The following TACC2 variants were observed in gnomAD, a reference collection of about 807,000 sequenced individuals.
TACC2 encodes the protein transforming acidic coiled-coil containing protein 2.
In TACC2, 137 loss-of-function variants were observed where a neutral mutation model predicts 227.3. That is an observed-to-expected ratio of 0.60 (90% CI 0.52 to 0.69). TACC2 has a LOEUF of 0.69. Ranked by LOEUF, TACC2 falls within the 30% of genes least tolerant of loss-of-function variation. The pLI is 0.00. For missense variants in TACC2, 3,470 were observed against 3,694.4 expected (o/e 0.94, Z 1.57); for synonymous variants, 1,523 against 1,487.5 (o/e 1.02, Z -0.55).
intron 3 of TACC2, among the ~76,000 whole-genome samples, chr10:122,062,711 C>T (rs976174540): frequency 6.6e-6 from 1 of 152,138 alleles, no homozygotes; most frequent in Admixed American, 6.6e-5. Context: ...AGAACAAAAA[C>T]ATCTTTGGTG....
chr10:122,121,949 G>A (rs1264705421), intron 5 of TACC2, among the ~76,000 whole-genome samples: 3 of 152,210 alleles, frequency 2.0e-5, no homozygotes, highest in African/African-American at 7.2e-5. Flanking sequence ...ACCTGGCGGG[G>A]AGGGGGATGG....
intron 2 of TACC2, among the ~76,000 whole-genome samples, chr10:122,036,300 C>T (rs1372973187): frequency 1.3e-5 from 2 of 149,392 alleles, no homozygotes; most frequent in East Asian, 4.1e-4. Flanking sequence ...TCACGCCATT[C>T]TCCTGCCTCA....
At chr10:122,046,532 A>G (rs2075027701) in intron 2 of TACC2, among the ~76,000 whole-genome samples, 1 of 152,028 alleles carries the variant, frequency 6.6e-6, no homozygotes, top group Non-Finnish European at 1.5e-5. Context: ...AGAGAAGTGG[A>G]GCTGAAAAGG....
intron 9 of TACC2, among the ~76,000 whole-genome samples, chr10:122,213,633 T>C (rs966401411): frequency 2.0e-5 from 3 of 152,354 alleles, no homozygotes. Flanking sequence ...GAATGGAACT[T>C]TTTTCCTTCC....
chr10:122,064,402 C>T (rs745854373), intron 3 of TACC2, among the ~76,000 whole-genome samples: 20 of 152,124 alleles, frequency 1.3e-4, no homozygotes, highest in Non-Finnish European at 2.9e-4. Flanking sequence ...TTATTATTAA[C>T]TAAAGTCTAT....
At chr10:122,047,575 G>A (rs924336004) in intron 2 of TACC2, among the ~76,000 whole-genome samples, 6 of 152,160 alleles carry the variant, frequency 3.9e-5, no homozygotes, top group South Asian at 4.1e-4. Context: ...ACACTGCCCC[G>A]TGGAAGGGAT....
chr10:122,149,552 A>G lies in TACC2; in HGVS notation c.5834+5846A>G, dbSNP rs1357627221. Among the ~76,000 whole-genome samples the G allele has an allele frequency of 2.0e-5, 3 of 148,780 alleles. No individual in the cohort carries two copies. The Admixed American group carries it at 2.0e-4, about 10-fold the overall frequency. ...AAATTGCTCCCTTCCCTCTGTCAACACTTCTCCAAGACTCCAGAGTTTTTC... is the reference window on the plus strand; with the variant it reads ...AAATTGCTCCCTTCCCTCTGTCAACGCTTCTCCAAGACTCCAGAGTTTTTC... On this transcript the variant is annotated intron_variant, in intron 7 of 22. Coordinates refer to ENST00000369005, the MANE Select transcript of TACC2 (RefSeq NM_206862.4).
In TACC2 at chr10:122,200,552, CA is replaced by C. The variant is rs1310118217; in HGVS notation, c.5971+5377del. 6.7e-5 allele frequency among the ~76,000 whole-genome samples: 10 copies of C among 148,624 alleles called. 1 individual carries two copies. Among genetic ancestry groups the C allele is most frequent in the African/African-American group, 2.6e-4 (10 of 38,594 alleles). On this transcript the variant is annotated intron_variant, in intron 8 of 22. Coordinates refer to ENST00000369005, the MANE Select transcript of TACC2 (RefSeq NM_206862.4). ...GGAGGACAGTTACCTCACCTGCCCA[CA>C]GTGGCTGCGTTCACATGGGGAGGAC...
intron 7 of TACC2, among the ~76,000 whole-genome samples, chr10:122,184,237 A>T (rs2094094030): frequency 6.6e-6 from 1 of 152,110 alleles, no homozygotes; most frequent in African/African-American, 2.4e-5. Flanking sequence ...CCGATGCAGA[A>T]TGGATGTGTC....
At chr10:122,117,338 T>A (rs2084889816) in intron 5 of TACC2, among the ~76,000 whole-genome samples, 1 of 151,752 alleles carries the variant, frequency 6.6e-6, no homozygotes, top group Non-Finnish European at 1.5e-5. Flanking sequence ...GGACTACAGG[T>A]GTGCACCACC....
chr10:122,157,677 T>C (rs1161604691), intron 7 of TACC2, among the ~76,000 whole-genome samples: 1 of 152,160 alleles, frequency 6.6e-6, no homozygotes, highest in Non-Finnish European at 1.5e-5. Flanking sequence ...CCCTCTGGCT[T>C]TTAGCCACCT....
intron 5 of TACC2, among the ~76,000 whole-genome samples, chr10:122,131,886 G>A (rs1473764752): frequency 6.6e-6 from 1 of 152,028 alleles, no homozygotes; most frequent in Non-Finnish European, 1.5e-5. Context: ...GCCAGGCGTG[G>A]TGGTGGGTGC....
chr10:122,053,563 G>T (rs532867455), intron 3 of TACC2, among the ~76,000 whole-genome samples: 2 of 152,104 alleles, frequency 1.3e-5, no homozygotes, highest in Admixed American at 6.6e-5. Flanking sequence ...TGACCACACT[G>T]CCCCTCAGGC....
At chr10:122,041,822 G>A (rs760534739) in intron 2 of TACC2, among the ~76,000 whole-genome samples, 2 of 152,242 alleles carry the variant, frequency 1.3e-5, no homozygotes, top group Non-Finnish European at 2.9e-5. Flanking sequence ...AGCCCGGAGG[G>A]TCGGTGCTAG....
At chr10:122,036,034 G>T (rs962012349) in intron 2 of TACC2, among the ~76,000 whole-genome samples, 1 of 152,112 alleles carries the variant, frequency 6.6e-6, no homozygotes, top group Non-Finnish European at 1.5e-5. Flanking sequence ...GAATCATACA[G>T]TATTTGTATG....
At chr10:122,118,271 T>C (rs2085097278) in intron 5 of TACC2, among the ~76,000 whole-genome samples, 1 of 152,158 alleles carries the variant, frequency 6.6e-6, no homozygotes, top group South Asian at 2.1e-4. Context: ...CGCCTCGGCC[T>C]CCCAAAGTGC....
chr10:122,159,840 C>T (rs1370232162), intron 7 of TACC2, among the ~76,000 whole-genome samples: 1 of 152,000 alleles, frequency 6.6e-6, no homozygotes, highest in Non-Finnish European at 1.5e-5. Context: ...AGCTCGGGGT[C>T]CATTGGTGGT....
At chr10:122,187,121 A>G (rs575663949) in intron 7 of TACC2, among the ~76,000 whole-genome samples, 6 of 151,648 alleles carry the variant, frequency 4.0e-5, no homozygotes, top group Admixed American at 1.3e-4. Flanking sequence ...TATTGTCACA[A>G]ATAAGCCAAT....
Position 122,082,986 on chromosome 10 carries a change from T to G in TACC2, c.486T>G (p.Thr162=), listed in dbSNP as rs763800934. The G allele has an allele frequency of 2.5e-6, 4 of 1,612,724 alleles. No individual in the cohort carries two copies. Among genetic ancestry groups the G allele is most frequent in the African/African-American group, 1.3e-5 (1 of 75,002 alleles). ...AAFPAERDSS[T]PYQEIAAVPS... is the part of the protein sequence containing the mutation. Reference sequence around the variant, plus strand: ...TTCCCGCTGAGAGGGACAGCTCTACTCCATACCAAGAGATTGCTGCCGTCC... The same window carrying G: ...TTCCCGCTGAGAGGGACAGCTCTACGCCATACCAAGAGATTGCTGCCGTCC... The change falls in exon 4 of 23, where the codon ACT becomes ACG. Residue 162 remains threonine, a synonymous_variant. Coordinates refer to ENST00000369005, the MANE Select transcript of TACC2 (RefSeq NM_206862.4).
Sources: gnomAD v4.1 joint callset for allele counts (sites outside exome capture counted in the v4.1 genomes callset) on GRCh38, gnomAD v4.1.1 for gene constraint, MANE v1.5 for transcripts, NCBI Gene and HGNC (gene_info 2026-07-23, HGNC 2026-07-21) for gene names.